IGF1R: variants seen among roughly 807,000 people sequenced by gnomAD.
IGF1R encodes the protein insulin-like growth factor 1 receptor.
A neutral mutation model predicts 144.6 loss-of-function variants in IGF1R; 44 were observed. The ratio of observed to expected loss-of-function variants is 0.30; its 90% confidence interval spans 0.24 to 0.39. IGF1R has a LOEUF of 0.39. Among genes scored for constraint, IGF1R ranks in the 10% least tolerant of loss-of-function variants. The probability of loss-of-function intolerance (pLI) is 1.00; values close to 1 mark genes in which losing one functional copy is unlikely to be tolerated. For missense variants in IGF1R, 1,355 were observed against 1,833.7 expected (o/e 0.74, Z 4.77); for synonymous variants, 795 against 722.8 (o/e 1.10, Z -1.60).
intron 2 of IGF1R, among the ~76,000 whole-genome samples, chr15:98,759,949 T>G (rs1309256166): frequency 2.0e-5 from 3 of 152,222 alleles, no homozygotes; most frequent in Non-Finnish European, 4.4e-5. Context: ...GACCAGTATT[T>G]GCAGACAGAG....
intron 1 of IGF1R, among the ~76,000 whole-genome samples, chr15:98,692,352 A>T (rs988011684): frequency 6.6e-6 from 1 of 152,080 alleles, no homozygotes. Flanking sequence ...GAAAAAAAGA[A>T]GATTGATTGA....
intron 15 of IGF1R, among the ~76,000 whole-genome samples, 184 bp downstream of exon 15, chr15:98,930,489 A>G (rs951507654): frequency 6.6e-6 from 1 of 152,000 alleles, no homozygotes; most frequent in African/African-American, 2.4e-5. Context: ...TTAGCAGTTC[A>G]GTGAATATGT....
At chr15:98,886,028 G>A (rs1360701169) in intron 2 of IGF1R, among the ~76,000 whole-genome samples, 3 of 152,154 alleles carry the variant, frequency 2.0e-5, no homozygotes, top group Non-Finnish European at 4.4e-5. Flanking sequence ...ATGTTGGGCA[G>A]GCTGGTCTTG....
intron 14 of IGF1R, 21 bp from the exon 15 acceptor site, chr15:98,930,214 T>C: frequency 6.3e-7 from 1 of 1,593,076 alleles, no homozygotes; most frequent in East Asian, 2.2e-5. Context: ...TTTGTTAACG[T>C]GAATTTAATC....
intron 19 of IGF1R, among the ~76,000 whole-genome samples, chr15:98,945,600 A>T (rs1469337077): frequency 6.6e-6 from 1 of 152,086 alleles, no homozygotes; most frequent in African/African-American, 2.4e-5. Flanking sequence ...TGAAAAACAC[A>T]GAGGTGTTGC....
At chr15:98,706,519 G>C (rs1358356073) in intron 1 of IGF1R, among the ~76,000 whole-genome samples, 1 of 151,776 alleles carries the variant, frequency 6.6e-6, no homozygotes, top group African/African-American at 2.4e-5. Context: ...TGCCAATAAT[G>C]TTCACTGGAG....
chr15:98,745,362 G>A (rs2054838699), intron 2 of IGF1R, among the ~76,000 whole-genome samples: 1 of 152,264 alleles, frequency 6.6e-6, no homozygotes, highest in Non-Finnish European at 1.5e-5. Context: ...GTGGCCCCAT[G>A]TGGTTGTGTG....
chr15:98,792,380 T>C lies in IGF1R; in HGVS notation c.640+84273T>C, dbSNP rs572316310. Among the ~76,000 whole-genome samples the C allele has an allele frequency of 2.0e-3, 302 of 152,328 alleles. 4 individuals carry two copies. The highest frequency in any genetic ancestry group is 2.7e-3 in the Non-Finnish European group (187 of 68,024). On this transcript the variant is annotated intron_variant, in intron 2 of 20. Coordinates refer to ENST00000650285, the MANE Select transcript of IGF1R (RefSeq NM_000875.5). ...TATGCATCCTGAGAGACTAGAGCACTCTCAAATGAGGTTTCAGAGTAAGAT... is the reference window on the plus strand; with the variant it reads ...TATGCATCCTGAGAGACTAGAGCACCCTCAAATGAGGTTTCAGAGTAAGAT...
intron 1 of IGF1R, among the ~76,000 whole-genome samples, chr15:98,682,999 C>G (rs1182817817): frequency 6.6e-6 from 1 of 150,722 alleles, no homozygotes; most frequent in East Asian, 1.9e-4. Context: ...AGTGACCTCC[C>G]CATGTCACAG....
intron 7 of IGF1R, 76 bp from the exon 8 acceptor site, chr15:98,912,968 C>G: frequency 2.2e-6 from 2 of 913,928 alleles, no homozygotes; most frequent in Non-Finnish European, 3.7e-6. Flanking sequence ...GTGTGACATG[C>G]TGGGCCTCTG....
At chr15:98,756,379 A>C (rs1195435280) in intron 2 of IGF1R, among the ~76,000 whole-genome samples, 1 of 151,856 alleles carries the variant, frequency 6.6e-6, no homozygotes, top group East Asian at 1.9e-4. Context: ...TGTTCTGTTC[A>C]GCTTTTAAGC....
At position 98,649,590 on chromosome 15, in the gene IGF1R, T is replaced by G; in HGVS notation, c.9T>G (p.Ser3=). Residue 3 remains serine, a synonymous_variant, in exon 1 of 21, where the codon TCT becomes TCG. Transcript: ENST00000650285. ...CATCCCAAATAAAAGGAATGAAGTC[T>G]GGCTCCGGAGGAGGGTCCCCGACCT... MK[S]GSGGGSPTSL... 6.3e-7 allele frequency: 1 copy of G among 1,582,118 alleles called. No individual in the cohort carries two copies.
intron 2 of IGF1R, among the ~76,000 whole-genome samples, chr15:98,826,583 G>T (rs1276292787): frequency 3.9e-5 from 6 of 152,180 alleles, no homozygotes; most frequent in African/African-American, 1.4e-4. Context: ...ACTTCCTTTG[G>T]AATTTGTTTC....
chr15:98,656,433 C>T (rs2052486553), intron 1 of IGF1R, among the ~76,000 whole-genome samples: 1 of 152,164 alleles, frequency 6.6e-6, no homozygotes, highest in Admixed American at 6.6e-5. Flanking sequence ...CCTATAATCC[C>T]AGCTACGTGA....
At chr15:98,675,826 C>CTTTCTTTTT (rs1442608280) in intron 1 of IGF1R, among the ~76,000 whole-genome samples, 2 of 46,150 alleles carry the variant, frequency 4.3e-5, no homozygotes, top group African/African-American at 9.6e-5. Context: ...TTCTTTCTTT[C>CTTTCTTTTT]TTTTTTTTTT....
chr15:98,818,461 C>A (rs1395250499), intron 2 of IGF1R, among the ~76,000 whole-genome samples: 1 of 152,058 alleles, frequency 6.6e-6, no homozygotes, highest in Non-Finnish European at 1.5e-5. Context: ...AGCAGGGAGA[C>A]CGCTTAGGAA....
At chr15:98,753,976 A>G (rs1366055772) in intron 2 of IGF1R, among the ~76,000 whole-genome samples, 7 of 152,154 alleles carry the variant, frequency 4.6e-5, no homozygotes, top group African/African-American at 1.7e-4. Context: ...TTGATACTGC[A>G]GGGCTCCAGC....
intron 1 of IGF1R, among the ~76,000 whole-genome samples, chr15:98,706,009 C>A (rs1232830012): frequency 6.6e-6 from 1 of 152,222 alleles, no homozygotes; most frequent in African/African-American, 2.4e-5. Context: ...TCCTAGGCAC[C>A]CTTTGGGAGC....
chr15:98,808,841 G>A (rs1369955500), intron 2 of IGF1R, among the ~76,000 whole-genome samples: 2 of 151,950 alleles, frequency 1.3e-5, no homozygotes, highest in African/African-American at 2.4e-5. Flanking sequence ...CACCATGTCT[G>A]GCTAATTTTT....
Sources: allele counts gnomAD v4.1 joint callset (sites outside exome capture counted in the v4.1 genomes callset), GRCh38; gene constraint gnomAD v4.1.1; transcripts MANE v1.5; gene names NCBI Gene and HGNC (gene_info 2026-07-23, HGNC 2026-07-21).